Variants in MYBPC1 observed in about 807,000 individuals in gnomAD.
MYBPC1 encodes the protein myosin-binding protein C, slow-type.
Under a neutral mutation model 147.1 loss-of-function variants are expected in MYBPC1, and 52 were observed. The ratio of observed to expected loss-of-function variants is 0.35; its 90% confidence interval spans 0.28 to 0.45. The LOEUF is 0.45. MYBPC1 is among the 20% of genes least tolerant of loss of function. The probability of loss-of-function intolerance (pLI) is 1.00; values close to 1 mark genes in which losing one functional copy is unlikely to be tolerated. For missense variants in MYBPC1, 1,228 were observed against 1,440.3 expected, an observed-to-expected ratio of 0.85 and a Z score of 2.39; for synonymous variants, 477 against 475.9, an observed-to-expected ratio of 1.00 and a Z score of -0.03.
At chr12:101,625,921 C>T (rs864829) in intron 3 of MYBPC1, among the ~76,000 whole-genome samples, 72,171 of 150,962 alleles carry the variant, frequency 0.48, 17,772 homozygotes, top group East Asian at 0.67. Flanking sequence ...CCGTCTCTAC[C>T]AAAAATGCAA....
intron 21 of MYBPC1, 52 bp downstream of exon 21, chr12:101,662,598 G>T: frequency 6.3e-7 from 1 of 1,588,372 alleles, no homozygotes; most frequent in South Asian, 1.1e-5. Context: ...CCCAGAGTAT[G>T]ACTGCTTTCT....
chr12:101,651,399 C>A lies in MYBPC1; in HGVS notation c.1526+6C>A. The A allele has an allele frequency of 6.2e-7, 1 of 1,613,908 alleles. No homozygotes were observed. Among genetic ancestry groups the A allele is most frequent in the Non-Finnish European group, 8.5e-7 (1 of 1,179,836 alleles). On this transcript the variant is annotated splice_donor_region_variant and intron_variant, in intron 16 of 31. Transcript: ENST00000361466. Reference sequence around the variant, plus strand: ...AAGGTGGTTCACAAGGGAAGGTAAGCGAGCCAGGTGACCCGCAAGTGAGGT... The same window carrying A: ...AAGGTGGTTCACAAGGGAAGGTAAGAGAGCCAGGTGACCCGCAAGTGAGGT...
chr12:101,681,558 A>ATATATC (rs1950948885), intron 29 of MYBPC1, among the ~76,000 whole-genome samples: 1 of 8,074 alleles, frequency 1.2e-4, no homozygotes, highest in African/African-American at 8.8e-4. Context: ...TAACTTTCAT[A>ATATATC]TATATATATA....
At chr12:101,658,294 T>G (rs1471685682) in intron 18 of MYBPC1, among the ~76,000 whole-genome samples, 1 of 151,916 alleles carries the variant, frequency 6.6e-6, no homozygotes, top group East Asian at 1.9e-4. Flanking sequence ...AAAAGTAACA[T>G]GATTATATCA....
At chr12:101,616,773 T>G (rs768559392) in intron 2 of MYBPC1, among the ~76,000 whole-genome samples, 1 of 152,252 alleles carries the variant, frequency 6.6e-6, no homozygotes, top group Non-Finnish European at 1.5e-5. Context: ...TTTTGTACTT[T>G]ACTAGAAAAT....
In MYBPC1 at chr12:101,682,660, C is replaced by G; in HGVS notation, c.3490C>G (p.Gln1164Glu). Reference sequence around the variant, plus strand: ...ACCAGTCTTCCTGGAGGGGCAGCAACAGGTTTAAAAAGTTTATATCCCACT... The same window carrying G: ...ACCAGTCTTCCTGGAGGGGCAGCAAGAGGTTTAAAAAGTTTATATCCCACT... ...GQPVFLEGQQQSLHNKDF is the reference protein window; with the variant it reads ...GQPVFLEGQQESLHNKDF The change falls in exon 30 of 32, where the codon CAG (glutamine) becomes GAG (glutamate). Residue 1164 changes from glutamine to glutamate, a missense_variant and splice_region_variant. Around this residue, in one of 2 missense-constraint regions of MYBPC1, gnomAD observed 1,077 missense variants for 1,314.2 expected, o/e 0.82. Coordinates refer to ENST00000361466, the MANE Select transcript of MYBPC1 (RefSeq NM_002465.4). The G allele has an allele frequency of 6.2e-7, 1 of 1,612,224 alleles. No individual in the cohort carries two copies. The highest frequency in any genetic ancestry group is 8.5e-7 in the Non-Finnish European group (1 of 1,178,388).
chr12:101,603,783 A>T (rs1344019862), intron 1 of MYBPC1, among the ~76,000 whole-genome samples: 1 of 152,200 alleles, frequency 6.6e-6, no homozygotes, highest in East Asian at 1.9e-4. Flanking sequence ...GAAAAAATAC[A>T]AAAATTATCT....
At chr12:101,628,156 T>G (rs1327253053) in intron 5 of MYBPC1, 2 of 322,368 alleles carry the variant, frequency 6.2e-6, no homozygotes, top group East Asian at 8.0e-5. Flanking sequence ...CATTTTCAAA[T>G]GCATCCTATC....
chr12:101,646,992 A>G (rs1470504544), intron 13 of MYBPC1, 105 bp downstream of exon 13: 64 of 1,422,146 alleles, frequency 4.5e-5, no homozygotes, highest in Middle Eastern at 1.8e-4. Flanking sequence ...ACTGGCAGCT[A>G]TTATGGATCC....
intron 21 of MYBPC1, among the ~76,000 whole-genome samples, 178 bp from the exon 22 acceptor site, chr12:101,663,248 A>G (rs1245775552): frequency 6.6e-6 from 1 of 152,216 alleles, no homozygotes; most frequent in African/African-American, 2.4e-5. Context: ...CAAAATTCTC[A>G]CATTGATCAG....
chr12:101,630,350 G>A (rs1249997125), intron 6 of MYBPC1, among the ~76,000 whole-genome samples: 1 of 152,158 alleles, frequency 6.6e-6, no homozygotes, highest in Non-Finnish European at 1.5e-5. Context: ...CCAGTGCCTG[G>A]ACCCTGGAAC....
In MYBPC1 at chr12:101,636,708, T is replaced by C. The variant is rs1184519422; in HGVS notation, c.645T>C (p.Phe215=). The change falls in exon 10 of 32, where the codon TTT becomes TTC. Residue 215 remains phenylalanine (F), a synonymous_variant. Coordinates refer to ENST00000361466, the MANE Select transcript of MYBPC1 (RefSeq NM_002465.4). ...EGQEDAGELD[F]SGLLKRREVK... ...AAGAGGATGCAGGAGAACTTGACTT[T>C]AGTGGTCTCCTGAAACGTAGGTGAG... The C allele has an allele frequency of 9.3e-6, 15 of 1,613,600 alleles. No homozygotes were observed. In the Admixed American group the frequency reaches 2.3e-4, roughly 25 times the overall value.
intron 5 of MYBPC1, among the ~76,000 whole-genome samples, chr12:101,628,418 C>T (rs765271547): frequency 6.6e-6 from 1 of 152,164 alleles, no homozygotes; most frequent in Non-Finnish European, 1.5e-5. Flanking sequence ...AATCACATGA[C>T]TATGATTGTC....
intron 1 of MYBPC1, among the ~76,000 whole-genome samples, chr12:101,603,060 C>T (rs1470393091): frequency 6.6e-6 from 1 of 152,072 alleles, no homozygotes; most frequent in Non-Finnish European, 1.5e-5. Context: ...AATTTCTCTC[C>T]CTGGCCAGGC....
rs368895852 is a variant in MYBPC1 at position 101,675,368 on chromosome 12, A to G, written c.2886A>G (p.Pro962=). 80 of 1,614,192 alleles carry G rather than the reference A, an allele frequency of 5.0e-5. No individual in the cohort carries two copies. The highest frequency in any genetic ancestry group is 6.7e-5 in the Non-Finnish European group (79 of 1,179,998). The change falls in exon 26 of 32, where the codon CCA becomes CCG. Residue 962 remains proline (P), a synonymous_variant. Transcript: ENST00000361466. ...ATGTCGCTCTCACATGGACTCCACC[A>G]AAGGATGATGGAAATGCTGCTATCA... ...GENVALTWTP[P]KDDGNAAITG...
At chr12:101,654,164 G>A (rs1175385467) in intron 18 of MYBPC1, among the ~76,000 whole-genome samples, 2 of 152,094 alleles carry the variant, frequency 1.3e-5, no homozygotes, top group African/African-American at 4.8e-5. Context: ...CCGAGATCAC[G>A]CCACTGCACT....
At chr12:101,630,832 T>A (rs1889736109) in intron 6 of MYBPC1, among the ~76,000 whole-genome samples, 1 of 152,184 alleles carries the variant, frequency 6.6e-6, no homozygotes, top group Non-Finnish European at 1.5e-5. Context: ...CAAATAAATC[T>A]TTATAAGGGA....
At chr12:101,642,083 CA>C in intron 10 of MYBPC1, among the ~76,000 whole-genome samples, 1 of 152,268 alleles carries the variant, frequency 6.6e-6, no homozygotes, top group East Asian at 1.9e-4. Flanking sequence ...TTAAGTTTCT[CA>C]AAATCCCATC....
chr12:101,671,135 T>C (rs1373295533), intron 24 of MYBPC1, among the ~76,000 whole-genome samples: 1 of 152,218 alleles, frequency 6.6e-6, no homozygotes, highest in East Asian at 1.9e-4. Flanking sequence ...TAGCCACATG[T>C]GGCTGTTGAG....
Sources: allele counts gnomAD v4.1 joint callset (sites outside exome capture counted in the v4.1 genomes callset), GRCh38; gene constraint gnomAD v4.1.1; regional missense constraint gnomAD v4.1.1; transcripts MANE v1.5; gene names NCBI Gene and HGNC (gene_info 2026-07-23, HGNC 2026-07-21).